Variants in KCNJ6 observed in about 807,000 individuals in gnomAD.
The protein encoded by KCNJ6 is potassium inwardly rectifying channel subfamily J member 6.
KCNJ6 carries 9 observed loss-of-function variants against 34.2 expected under a neutral mutation model. The ratio of observed to expected loss-of-function variants is 0.26; its 90% CI spans 0.16 to 0.46. KCNJ6 has a LOEUF of 0.46. Ranked by LOEUF, KCNJ6 falls within the 20% of genes least tolerant of loss-of-function variation. The probability of loss-of-function intolerance (pLI) is 1.00; values close to 1 mark genes in which losing one functional copy is unlikely to be tolerated. For missense variants in KCNJ6, 236 were observed against 531.3 expected (o/e 0.44, Z 5.46); for synonymous variants, 196 against 207.1 (o/e 0.95, Z 0.46).
Position 37,607,482 on chromosome 21 carries a change from A to ATATATTTTT in KCNJ6, c.*17676_*17677insAAAAATATA. On this transcript the variant is annotated 3_prime_UTR_variant, in exon 4 of 4. Transcript: ENST00000609713. ...CTTAAAGATATATATATATATATATATTTTTTTTTTATTTTAAAAAAATTT... is the reference window on the plus strand; with the variant it reads ...CTTAAAGATATATATATATATATATATATATTTTTTTTTTTTTTTATTTTAAAAAAATTT... 39 of 136,762 alleles carry ATATATTTTT rather than the reference A, an allele frequency of 2.9e-4. No homozygotes were observed. The highest frequency in any genetic ancestry group is 7.4e-4 in the African/African-American group (27 of 36,476). 8.5% of individuals were successfully genotyped at this position (136,762 alleles called of 1,614,324 possible).
intron 2 of KCNJ6, among the ~76,000 whole-genome samples, chr21:37,813,408 A>C (rs1219288669): frequency 6.6e-6 from 1 of 152,198 alleles, no homozygotes; most frequent in Non-Finnish European, 1.5e-5. Context: ...AAAAAATTCT[A>C]AAATGTATGT....
At chr21:37,788,720 A>G (rs1601471709) in intron 2 of KCNJ6, among the ~76,000 whole-genome samples, 1 of 152,118 alleles carries the variant, frequency 6.6e-6, no homozygotes, top group African/African-American at 2.4e-5. Flanking sequence ...AGGATGAGAG[A>G]CCACGTGGAG....
chr21:37,704,326 A>G (rs935983674), intron 3 of KCNJ6, among the ~76,000 whole-genome samples: 2 of 144,802 alleles, frequency 1.4e-5, no homozygotes, highest in African/African-American at 4.9e-5. Context: ...TAAAGTACAT[A>G]TTACTGAGTA....
chr21:37,820,173 A>G (rs1034129770), intron 2 of KCNJ6, among the ~76,000 whole-genome samples: 4 of 152,144 alleles, frequency 2.6e-5, no homozygotes, highest in Non-Finnish European at 4.4e-5. Context: ...ACTCACAGAA[A>G]ATGTAATCTG....
At chr21:37,686,063 A>G (rs1601419174) in intron 3 of KCNJ6, among the ~76,000 whole-genome samples, 1 of 152,100 alleles carries the variant, frequency 6.6e-6, no homozygotes, top group East Asian at 1.9e-4. Flanking sequence ...GGGACTGCAG[A>G]ACAGAGGATG....
chr21:37,775,732 C>G (rs1403999163), intron 2 of KCNJ6, among the ~76,000 whole-genome samples: 1 of 151,772 alleles, frequency 6.6e-6, no homozygotes, highest in African/African-American at 2.4e-5. Flanking sequence ...GTACCAGTAC[C>G]ATGCTGTTTT....
chr21:37,866,610 C>A (rs960613767), intron 1 of KCNJ6, among the ~76,000 whole-genome samples: 1 of 137,768 alleles, frequency 7.3e-6, no homozygotes, highest in South Asian at 2.6e-4. Flanking sequence ...TGCCTACTGG[C>A]AACTGGGGAG....
intron 2 of KCNJ6, among the ~76,000 whole-genome samples, chr21:37,731,910 G>A (rs2123468536): frequency 6.6e-6 from 1 of 152,240 alleles, no homozygotes; most frequent in South Asian, 2.1e-4. Context: ...GCAAGGGAGA[G>A]GCCCTTCCTA....
At chr21:37,654,410 T>A in intron 3 of KCNJ6, among the ~76,000 whole-genome samples, 1 of 122,144 alleles carries the variant, frequency 8.2e-6, no homozygotes, top group Non-Finnish European at 1.7e-5. Context: ...GTCTTGACAT[T>A]TGGTAAAAAA....
chr21:37,623,943 T>C lies in KCNJ6; in HGVS notation c.*1216A>G, dbSNP rs978361542. 1.3e-5 allele frequency: 2 copies of C among 152,250 alleles called. No homozygotes were observed. Among genetic ancestry groups the C allele is most frequent in the African/African-American group, 4.8e-5 (2 of 41,474 alleles). 9.4% of individuals were successfully genotyped at this position (152,250 alleles called of 1,614,324 possible). On this transcript the variant is annotated 3_prime_UTR_variant, in exon 4 of 4. Transcript: ENST00000609713. ...ATTATAATGCATGCCACTCACTACA[T>C]GCCTTTGTGAATTTCACGGCTTTAG...
At chr21:37,805,703 GTGTACTTA>G (rs2055290300) in intron 2 of KCNJ6, among the ~76,000 whole-genome samples, 1 of 152,138 alleles carries the variant, frequency 6.6e-6, no homozygotes, top group African/African-American at 2.4e-5. Context: ...CCAATGACTG[GTGTACTTA>G]TGAGAAGAGG....
At chr21:37,907,459 T>C (rs946525346) in intron 1 of KCNJ6, among the ~76,000 whole-genome samples, 3 of 152,182 alleles carry the variant, frequency 2.0e-5, no homozygotes, top group African/African-American at 4.8e-5. Context: ...CTCATAGCCA[T>C]TAGAAGTGCT....
At chr21:37,759,191 A>C (rs1029605328) in intron 2 of KCNJ6, among the ~76,000 whole-genome samples, 1 of 152,028 alleles carries the variant, frequency 6.6e-6, no homozygotes, top group Non-Finnish European at 1.5e-5. Flanking sequence ...GGGAAGGCTA[A>C]TTTGTCCGGG....
In KCNJ6 at chr21:37,855,988, G is replaced by A. The variant is rs931893013; in HGVS notation, c.-27-15279C>T. 3.3e-5 allele frequency among the ~76,000 whole-genome samples: 5 copies of A among 152,200 alleles called. 1 individual carries two copies. The highest frequency in any genetic ancestry group is 2.4e-5 in the African/African-American group (1 of 41,454). On this transcript the variant is annotated intron_variant, in intron 1 of 3. Coordinates refer to ENST00000609713, the MANE Select transcript of KCNJ6 (RefSeq NM_002240.5). ...GAGCACAGCAGAAGGCAGGGGAGAG[G>A]GGGTGGAAGCAGGATTCAGGGCGCT... is the stretch of plus-strand genomic sequence containing the variant.
intron 3 of KCNJ6, among the ~76,000 whole-genome samples, chr21:37,647,463 A>C (rs1250297121): frequency 6.6e-6 from 1 of 152,106 alleles, no homozygotes; most frequent in Non-Finnish European, 1.5e-5. Flanking sequence ...GTGCTGACCC[A>C]ATTGCCAGAG....
At chr21:37,816,736 G>T (rs886671475) in intron 2 of KCNJ6, among the ~76,000 whole-genome samples, 1 of 152,134 alleles carries the variant, frequency 6.6e-6, no homozygotes, top group Non-Finnish European at 1.5e-5. Flanking sequence ...TGGATGGTGG[G>T]GATGCATGCA....
At position 37,686,541 on chromosome 21, in the gene KCNJ6, C is replaced by A. The variant is rs528051006; in HGVS notation, c.946+27670G>T. Among the ~76,000 whole-genome samples the A allele has an allele frequency of 1.8e-3, 245 of 133,792 alleles. 2 individuals carry two copies. The highest frequency in any genetic ancestry group is 6.3e-3 in the African/African-American group (233 of 36,886). 87.8% of individuals were successfully genotyped at this position (133,792 alleles called of 152,430 possible). On this transcript the variant is annotated intron_variant, in intron 3 of 3. Coordinates refer to ENST00000609713, the MANE Select transcript of KCNJ6 (RefSeq NM_002240.5). ...GGAGTGCAGTGGTGCGATCTCGGCT[C>A]ACTGCAATCTCCGCCTCCTGGGTTC...
chr21:37,735,444 C>T (rs899924938), intron 2 of KCNJ6, among the ~76,000 whole-genome samples: 11 of 152,184 alleles, frequency 7.2e-5, no homozygotes, highest in African/African-American at 2.7e-4. Context: ...TGCCAGGAAG[C>T]CCCCAAACCT....
In KCNJ6 at chr21:37,661,614, G is replaced by GTTTTTTTTTTTTTTTTTTTTTTTTTTT. The variant is rs59026391; in HGVS notation, c.947-36131_947-36130insAAAAAAAAAAAAAAAAAAAAAAAAAAA. Among the ~76,000 whole-genome samples, 4 of 71,198 alleles carry GTTTTTTTTTTTTTTTTTTTTTTTTTTT rather than the reference G, an allele frequency of 5.6e-5. 1 individual carries two copies. The highest frequency in any genetic ancestry group is 1.1e-4 in the African/African-American group (2 of 18,704). 46.7% of individuals were successfully genotyped at this position (71,198 alleles called of 152,430 possible). A position where few individuals can be genotyped will look rare whatever the true frequency, so the allele number is the denominator to read the frequency against. ...TCCACCCATTTCCTTAAGAGACATA[G>GTTTTTTTTTTTTTTTTTTTTTTTTTTT]TTTTTTTTTTTTTTTTTTTTTTTTT... On this transcript the variant is annotated intron_variant, in intron 3 of 3. Coordinates refer to ENST00000609713, the MANE Select transcript of KCNJ6 (RefSeq NM_002240.5).
Sources: allele counts gnomAD v4.1 joint callset (sites outside exome capture counted in the v4.1 genomes callset), GRCh38; gene constraint gnomAD v4.1.1; transcripts MANE v1.5; gene names NCBI Gene and HGNC (gene_info 2026-07-23, HGNC 2026-07-21).